Variants in SYCP1 observed in about 807,000 individuals in gnomAD.
The protein encoded by SYCP1 is cancer/testis antigen 8.
Under a neutral mutation model 153.1 loss-of-function variants are expected in SYCP1, and 64 were observed. The observed-to-expected ratio is 0.42, with a 90% CI of 0.34 to 0.51. The LOEUF is 0.51. Ranked by LOEUF, SYCP1 falls within the 20% of genes least tolerant of loss-of-function variation. The pLI is 0.06. For synonymous variants in SYCP1, 384 were observed against 341.8 expected (o/e 1.12, Z -1.36); for missense variants, 997 against 1,049.0 (o/e 0.95, Z 0.68).
intron 23 of SYCP1, among the ~76,000 whole-genome samples, chr1:114,929,829 G>C (rs562381254): frequency 4.0e-4 from 61 of 152,044 alleles, no homozygotes; most frequent in Non-Finnish European, 8.1e-4. Flanking sequence ...TAGAAAATCT[G>C]AACATCACTA....
intron 23 of SYCP1, among the ~76,000 whole-genome samples, chr1:114,939,207 C>T (rs1670233614): frequency 6.6e-6 from 1 of 152,102 alleles, no homozygotes; most frequent in Admixed American, 6.6e-5. Context: ...CCTCTACATA[C>T]AGTATTCCAT....
Position 114,994,993 on chromosome 1 carries a change from A to T in SYCP1, c.2905A>T (p.Lys969Ter), listed in dbSNP as rs765037939. Residue 969 changes from lysine to a stop codon, truncating the protein, a stop_gained, in exon 32 of 32, where the codon AAA becomes TAA. Transcript: ENST00000369522. LOFTEE classifies it high-confidence loss of function. ...IAKMDRKKKL[K>*]EAEKLFV is the part of the protein sequence containing the mutation. ...TAAAATGGATAGAAAAAAAAAACTA[A>T]AAGAAGCTGAAAAGTTATTTGTTTA... 2 of 1,601,220 alleles carry T rather than the reference A, an allele frequency of 1.2e-6. No homozygotes were observed. The highest frequency in any genetic ancestry group is 2.2e-5 in the East Asian group (1 of 44,634).
intron 30 of SYCP1, among the ~76,000 whole-genome samples, chr1:114,987,114 C>T (rs1673567736): frequency 6.6e-6 from 1 of 151,574 alleles, no homozygotes; most frequent in Non-Finnish European, 1.5e-5. Flanking sequence ...CCATCTTTAC[C>T]CTTTGGGAAG....
At chr1:114,913,624 G>C (rs910639035) in intron 19 of SYCP1, among the ~76,000 whole-genome samples, 2 of 152,078 alleles carry the variant, frequency 1.3e-5, no homozygotes, top group African/African-American at 4.8e-5. Flanking sequence ...AGGCTTCTGA[G>C]AGAATATAGC....
At chr1:114,910,855 T>G (rs1668128682) in intron 17 of SYCP1, among the ~76,000 whole-genome samples, 1 of 152,076 alleles carries the variant, frequency 6.6e-6, no homozygotes, top group Admixed American at 6.6e-5. Flanking sequence ...ACACTGCAGC[T>G]TTGAACTCCT....
At chr1:114,942,561 G>A (rs760977603) in intron 23 of SYCP1, among the ~76,000 whole-genome samples, 1 of 151,858 alleles carries the variant, frequency 6.6e-6, no homozygotes, top group Admixed American at 6.6e-5. Flanking sequence ...AAGATACAGG[G>A]GTACATGGTA....
At chr1:114,932,483 C>T (rs1669696808) in intron 23 of SYCP1, among the ~76,000 whole-genome samples, 1 of 152,228 alleles carries the variant, frequency 6.6e-6, no homozygotes. Context: ...CAGCTCCCAG[C>T]ATGAGTGACG....
At chr1:114,966,385 A>G (rs1672129638) in intron 27 of SYCP1, among the ~76,000 whole-genome samples, 1 of 152,038 alleles carries the variant, frequency 6.6e-6, no homozygotes, top group African/African-American at 2.4e-5. Context: ...GTCTTCTGCC[A>G]GCTTTTGAAT....
chr1:114,947,104 A>T, intron 26 of SYCP1, 142 bp from the exon 27 acceptor site: 1 of 688,482 alleles, frequency 1.5e-6, no homozygotes, highest in Non-Finnish European at 2.4e-6. Flanking sequence ...CCTTTATATC[A>T]GTTGACTTTA....
intron 30 of SYCP1, among the ~76,000 whole-genome samples, chr1:114,985,935 A>G (rs1673472754): frequency 6.6e-6 from 1 of 151,924 alleles, no homozygotes; most frequent in African/African-American, 2.4e-5. Context: ...ATAAATAACA[A>G]TTCAGTAGAA....
At position 114,887,644 on chromosome 1, in the gene SYCP1, T is replaced by G. The variant is rs1475505396; in HGVS notation, c.1209T>G (p.Asp403Glu). 1 of 1,562,284 alleles carries G rather than the reference T, an allele frequency of 6.4e-7. No individual in the cohort carries two copies. The highest frequency in any genetic ancestry group is 8.7e-7 in the Non-Finnish European group (1 of 1,151,212). The change falls in exon 15 of 32, where the codon GAT (aspartate) becomes GAG (glutamate). Residue 403 changes from aspartate to glutamate, a missense_variant. Asp to Glu is a conservative substitution (Grantham distance 45, BLOSUM62 2). Transcript: ENST00000369522. Reference protein sequence around the residue: ...TEQQRLEKNEDQLKILTMELQ... With the variant: ...TEQQRLEKNEEQLKILTMELQ... ...TTACAAGATTGGAAAAAAATGAAGA[T>G]CAATTGAAAATACTTACCATGGAGC...
chr1:114,939,353 C>T (rs1235137262), intron 23 of SYCP1, among the ~76,000 whole-genome samples: 3 of 152,088 alleles, frequency 2.0e-5, no homozygotes, highest in African/African-American at 4.8e-5. Context: ...CAAGAATATT[C>T]ATGGTGGCTT....
intron 30 of SYCP1, among the ~76,000 whole-genome samples, chr1:114,989,794 C>A (rs930388747): frequency 6.6e-6 from 1 of 151,830 alleles, no homozygotes; most frequent in Non-Finnish European, 1.5e-5. Context: ...TTTAATATAG[C>A]AAGAAGATAT....
chr1:114,940,852 A>T (rs1670339508), intron 23 of SYCP1, among the ~76,000 whole-genome samples: 1 of 151,850 alleles, frequency 6.6e-6, no homozygotes, highest in Admixed American at 6.6e-5. Context: ...GTGTTTTATT[A>T]AGTAGTTGAC....
At chr1:114,913,887 A>G in intron 19 of SYCP1, 88 bp from the exon 20 acceptor site, 1 of 968,176 alleles carries the variant, frequency 1.0e-6, no homozygotes, top group Non-Finnish European at 1.5e-6. Flanking sequence ...AATAAATTTT[A>G]TGCTGATAGA....
intron 16 of SYCP1, among the ~76,000 whole-genome samples, chr1:114,899,644 A>G (rs1349983824): frequency 1.3e-5 from 2 of 152,190 alleles, no homozygotes; most frequent in Non-Finnish European, 2.9e-5. Context: ...GAAGTTTGGT[A>G]CCTCCGTGGT....
intron 26 of SYCP1, 98 bp downstream of exon 26, chr1:114,946,479 A>T: frequency 3.0e-6 from 2 of 657,790 alleles, no homozygotes; most frequent in Non-Finnish European, 5.1e-6. Flanking sequence ...TTTTTGAGCT[A>T]TAGAATCAGA....
Position 114,874,954 on chromosome 1 carries a change from C to T in SYCP1, c.657+390C>T, listed in dbSNP as rs146945994. ...CTGCTGTAGTCACTCTTTTATGTTT[C>T]TCAAATTTGCCAAGCTCTTTCTGAT... On this transcript the variant is annotated intron_variant, in intron 9 of 31. Coordinates refer to ENST00000369522, the MANE Select transcript of SYCP1 (RefSeq NM_003176.4). Among the ~76,000 whole-genome samples, 41 of 152,244 alleles carry T rather than the reference C, an allele frequency of 2.7e-4. No homozygotes were observed. The East Asian group carries it at 7.3e-3, about 27-fold the overall frequency.
chr1:114,979,747 G>A (rs1498228), intron 28 of SYCP1, among the ~76,000 whole-genome samples: 9,247 of 151,796 alleles, frequency 0.061, 314 homozygotes, highest in Middle Eastern at 0.14. Context: ...CTAGAATTAC[G>A]CAGGAAAGAT....
Sources: gnomAD v4.1 joint callset for allele counts (sites outside exome capture counted in the v4.1 genomes callset) on GRCh38, gnomAD v4.1.1 for gene constraint, MANE v1.5 for transcripts, NCBI Gene and HGNC (gene_info 2026-07-23, HGNC 2026-07-21) for gene names.